CREBBP: variants seen among roughly 807,000 people sequenced by gnomAD.
The protein encoded by CREBBP is CREB binding lysine acetyltransferase.
CREBBP carries 19 observed loss-of-function variants against 265.0 expected under a neutral mutation model. That is an observed-to-expected ratio of 0.07 (90% CI 0.05 to 0.11). The LOEUF (loss-of-function observed/expected upper bound fraction) is 0.11, where lower values mean the gene tolerates loss of function less well. Among genes scored for constraint, CREBBP ranks in the 10% least tolerant of loss-of-function variants. CREBBP has a pLI of 1.00. For synonymous variants in CREBBP, 1,457 were observed against 1,223.7 expected (o/e 1.19, Z -3.98); for missense variants, 2,525 against 3,219.0 (o/e 0.78, Z 5.22).
chr16:3,862,002 G>A (rs533676442), intron 1 of CREBBP, among the ~76,000 whole-genome samples: 1 of 152,292 alleles, frequency 6.6e-6, no homozygotes, highest in East Asian at 1.9e-4. Context: ...CTCCCCAGGA[G>A]AAGGAAGCGA....
intron 26 of CREBBP, 83 bp from the exon 27 acceptor site, chr16:3,736,898 G>T: frequency 6.5e-7 from 1 of 1,535,564 alleles, no homozygotes; most frequent in South Asian, 1.1e-5. Context: ...GAGGAGCAAG[G>T]ACTAAAGCCA....
chr16:3,733,608 C>G (rs1230304952), intron 28 of CREBBP, among the ~76,000 whole-genome samples: 1 of 152,150 alleles, frequency 6.6e-6, no homozygotes, highest in Non-Finnish European at 1.5e-5. Context: ...TATACTGGAA[C>G]TCTGTGCTCA....
chr16:3,873,100 C>T (rs2055333843), intron 1 of CREBBP, among the ~76,000 whole-genome samples: 1 of 152,230 alleles, frequency 6.6e-6, no homozygotes, highest in South Asian at 2.1e-4. Flanking sequence ...TACTCACAGG[C>T]ATCTATCAGA....
At chr16:3,823,783 T>G (rs2054185604) in intron 2 of CREBBP, among the ~76,000 whole-genome samples, 1 of 152,018 alleles carries the variant, frequency 6.6e-6, no homozygotes. Context: ...CTGAATGCAT[T>G]TAGTTCCCAA....
rs130014 is a variant in CREBBP at position 3,739,511 on chromosome 16, T to A, written c.4280+67A>T. The A allele has an allele frequency of 9.5e-4, 1,525 of 1,599,374 alleles. 20 individuals are homozygous for A. In the African/African-American group the frequency reaches 0.018, roughly 19 times the overall value. On this transcript the variant is annotated intron_variant, in intron 25 of 30. Transcript: ENST00000262367. ...GGCTCACAGGCTCCTCTGGGACACT[T>A]AAGAGCCCTGGTCTATCCTAACACG...
In CREBBP at chr16:3,728,589, C is replaced by A; in HGVS notation, c.6458G>T (p.Gly2153Val). The A allele has an allele frequency of 6.2e-7, 1 of 1,613,842 alleles. No individual in the cohort carries two copies. Among genetic ancestry groups the A allele is most frequent in the Non-Finnish European group, 8.5e-7 (1 of 1,179,968 alleles). Residue 2153 changes from glycine to valine, a missense_variant, in exon 31 of 31, where the codon GGT becomes GTT. Gly to Val is a moderately radical substitution (Grantham distance 109). This residue lies in a region of CREBBP where 473 missense variants were observed against 459.3 expected (regional missense o/e 1.03). Transcript: ENST00000262367. This position sits in a 1 kb window ranked among gnomAD's most constrained non-coding sequence, Gnocchi z 8.7. ...CATCGCCTGCTGCTGTGGAGGCACA[C>A]CGGGCCGCGGCACGCCAGCCTGCAT... is the stretch of plus-strand genomic sequence containing the variant. ...NAMQAGVPRP[G>V]VPPQQQAMGG...
chr16:3,773,050 C>A (rs1430855324), intron 13 of CREBBP, among the ~76,000 whole-genome samples: 1 of 151,730 alleles, frequency 6.6e-6, no homozygotes, highest in African/African-American at 2.4e-5. Context: ...TGTACCACTG[C>A]ACTCCAGTCT....
rs1388243685 is a variant in CREBBP, at chr16:3,781,215, C to A, written c.1665G>T (p.Leu555=). 5 of 1,613,980 alleles carry A rather than the reference C, an allele frequency of 3.1e-6. No individual in the cohort carries two copies. The Middle Eastern group carries it at 6.6e-4, about 213-fold the overall frequency. ...LISESALPTS[L]GATNPLMNDG... ...AAACAGGGTCTTACTTTGTGGCCCCCAGGGAAGTCGGAAGAGCTGATTCTG... is the reference window on the plus strand; with the variant it reads ...AAACAGGGTCTTACTTTGTGGCCCCAAGGGAAGTCGGAAGAGCTGATTCTG... Residue 555 remains leucine, a synonymous_variant, in exon 7 of 31, where the codon CTG becomes CTT. Transcript: ENST00000262367.
intron 2 of CREBBP, among the ~76,000 whole-genome samples, chr16:3,825,719 T>G (rs2054224162): frequency 6.6e-6 from 1 of 152,210 alleles, no homozygotes. Context: ...TAAAAATTAC[T>G]AAGACAAAAT....
chr16:3,752,421 G>T (rs1235070284), intron 19 of CREBBP, among the ~76,000 whole-genome samples: 1 of 150,998 alleles, frequency 6.6e-6, no homozygotes, highest in East Asian at 1.9e-4. Flanking sequence ...GTATGAAAAT[G>T]CTGAGCACCC....
intron 11 of CREBBP, among the ~76,000 whole-genome samples, chr16:3,776,786 G>T (rs2053149163): frequency 6.7e-6 from 1 of 150,250 alleles, no homozygotes; most frequent in African/African-American, 2.5e-5. Context: ...GCCAAGGTGG[G>T]CAGATCACAA....
intron 2 of CREBBP, chr16:3,812,909 C>CAT (rs1321025862): frequency 6.4e-5 from 13 of 202,834 alleles, no homozygotes; most frequent in South Asian, 1.9e-4. Flanking sequence ...GTTAAGAAAT[C>CAT]ATAGCTCAGT....
chr16:3,745,699 G>A (rs545141850), intron 21 of CREBBP: 15 of 392,948 alleles, frequency 3.8e-5, no homozygotes, highest in Non-Finnish European at 7.3e-5. Flanking sequence ...CAAGAACAAT[G>A]CCTTCTCTAG....
At chr16:3,771,817 TTTA>T in intron 13 of CREBBP, among the ~76,000 whole-genome samples, 1 of 149,358 alleles carries the variant, frequency 6.7e-6, no homozygotes, top group South Asian at 2.1e-4. Context: ...TTTTTTTTTT[TTTA>T]AAAAAAAAAA....
chr16:3,856,717 G>T (rs971428595), intron 1 of CREBBP, among the ~76,000 whole-genome samples: 1 of 152,224 alleles, frequency 6.6e-6, no homozygotes, highest in African/African-American at 2.4e-5. Context: ...TTAGAGATCA[G>T]CTCTCCTTCC....
At chr16:3,829,551 A>C (rs1439038623) in intron 2 of CREBBP, among the ~76,000 whole-genome samples, 1 of 152,194 alleles carries the variant, frequency 6.6e-6, no homozygotes, top group Non-Finnish European at 1.5e-5. Flanking sequence ...GATCAGTCGG[A>C]GTTTCAAGAT....
chr16:3,729,323 C>T lies in CREBBP; in HGVS notation c.5724G>A (p.Gln1908=), dbSNP rs762313866. ...STPQTPQPPA[Q]PQPSPVSMSP... ...ACATGCTCACGGGTGAGGGTTGGGG[C>T]TGGGCAGGGGGCTGCGGCGTCTGGG... is the stretch of plus-strand genomic sequence containing the variant. The change falls in exon 31 of 31, where the codon CAG becomes CAA. Residue 1908 remains glutamine, a synonymous_variant. Transcript: ENST00000262367. 1 of 1,566,802 alleles carries T rather than the reference C, an allele frequency of 6.4e-7. No homozygotes were observed. The highest frequency in any genetic ancestry group is 2.3e-5 in the East Asian group (1 of 42,614).
rs961598353 is a variant in CREBBP at position 3,725,707 on chromosome 16, C to A, written c.*2011G>T. On this transcript the variant is annotated 3_prime_UTR_variant, in exon 31 of 31. Transcript: ENST00000262367. Reference sequence around the variant, plus strand: ...AGCTCTGTGCTAAAACTAGATCGGACCTTTCCAACTTCTTAGAAAGGTTCC... The same window carrying A: ...AGCTCTGTGCTAAAACTAGATCGGAACTTTCCAACTTCTTAGAAAGGTTCC... 3 of 233,194 alleles carry A rather than the reference C, an allele frequency of 1.3e-5. No individual in the cohort carries two copies. The highest frequency in any genetic ancestry group is 6.6e-5 in the African/African-American group (3 of 45,346). The allele number at this position is 233,194 out of a possible 1,614,324, so 14.4% of individuals were successfully genotyped here. A position where few individuals can be genotyped will look rare whatever the true frequency, so the allele number is the denominator to read the frequency against.
chr16:3,780,909 C>T, intron 7 of CREBBP, 31 bp from the exon 8 acceptor site: 1 of 1,611,458 alleles, frequency 6.2e-7, no homozygotes. Flanking sequence ...CTTCATCCAT[C>T]TACTGAAGTG....
Sources: allele counts gnomAD v4.1 joint callset (sites outside exome capture counted in the v4.1 genomes callset), GRCh38; gene constraint gnomAD v4.1.1; regional missense constraint gnomAD v4.1.1; non-coding constraint Gnocchi (gnomAD v3.1); transcripts MANE v1.5; gene names NCBI Gene and HGNC (gene_info 2026-07-23, HGNC 2026-07-21).